KCND3: variants seen among roughly 807,000 people sequenced by gnomAD.
KCND3 encodes potassium voltage-gated channel subfamily D member 3, also known as A-type voltage-gated potassium channel KCND3.
Under a neutral mutation model 51.1 loss-of-function variants are expected in KCND3, and 9 were observed. The ratio of observed to expected loss-of-function variants is 0.18; its 90% CI spans 0.11 to 0.31. KCND3 has a LOEUF of 0.31. KCND3 is among the 10% of genes least tolerant of loss of function. KCND3 has a pLI of 1.00. For missense variants in KCND3, 526 were observed against 903.8 expected, an observed-to-expected ratio of 0.58 and a Z score of 5.36; for synonymous variants, 349 against 368.0, an observed-to-expected ratio of 0.95 and a Z score of 0.59.
At chr1:111,953,695 A>C (rs1673174096) in intron 2 of KCND3, among the ~76,000 whole-genome samples, 1 of 152,206 alleles carries the variant, frequency 6.6e-6, no homozygotes, top group African/African-American at 2.4e-5. Context: ...AGAACTCTGA[A>C]AGTGTCCCTC....
chr1:111,836,023 T>G (rs1169266742), intron 2 of KCND3, among the ~76,000 whole-genome samples: 4 of 152,352 alleles, frequency 2.6e-5, no homozygotes, highest in Non-Finnish European at 5.9e-5. Context: ...TTTGATTACC[T>G]TGCTGTTGCT....
intron 2 of KCND3, among the ~76,000 whole-genome samples, chr1:111,867,307 T>C (rs1299586431): frequency 4.6e-5 from 7 of 151,982 alleles, no homozygotes; most frequent in African/African-American, 1.7e-4. Context: ...GTGCTCAATG[T>C]GTGTTTGTGG....
At chr1:111,870,722 A>T (rs57747704) in intron 2 of KCND3, among the ~76,000 whole-genome samples, 1,021 of 13,184 alleles carry the variant, frequency 0.077, 7 homozygotes, top group African/African-American at 0.12. Context: ...TCAGTGAAAG[A>T]AAAAAAAGAC....
intron 2 of KCND3, among the ~76,000 whole-genome samples, chr1:111,926,773 G>A (rs190648287): frequency 3.3e-5 from 5 of 152,378 alleles, no homozygotes; most frequent in East Asian, 3.9e-4. Context: ...TTCATCGCTC[G>A]GGGCTGACGC....
intron 2 of KCND3, among the ~76,000 whole-genome samples, chr1:111,898,835 A>G (rs992392714): frequency 2.0e-5 from 3 of 152,318 alleles, no homozygotes; most frequent in Non-Finnish European, 4.4e-5. Flanking sequence ...TCCTATGACC[A>G]CAGCTGCCTC....
intron 2 of KCND3, among the ~76,000 whole-genome samples, chr1:111,961,293 C>T (rs987782380): frequency 2.0e-5 from 3 of 152,244 alleles, no homozygotes; most frequent in East Asian, 1.9e-4. Context: ...CCATCAGACC[C>T]GGCTGGCACA....
intron 2 of KCND3, among the ~76,000 whole-genome samples, chr1:111,802,702 G>A (rs1665372384): frequency 6.6e-6 from 1 of 152,212 alleles, no homozygotes; most frequent in Non-Finnish European, 1.5e-5. Flanking sequence ...GTCACATTGA[G>A]CCTGTAGCAG....
intron 2 of KCND3, among the ~76,000 whole-genome samples, chr1:111,900,969 GAAAC>G (rs1416954059): frequency 2.6e-5 from 4 of 152,150 alleles, no homozygotes; most frequent in East Asian, 1.9e-4. Flanking sequence ...AAAAACAAAA[GAAAC>G]AAACAAACAA....
intron 2 of KCND3, among the ~76,000 whole-genome samples, chr1:111,790,602 C>G (rs143233463): frequency 6.6e-6 from 1 of 152,182 alleles, no homozygotes; most frequent in Non-Finnish European, 1.5e-5. Flanking sequence ...AAAATCCAAC[C>G]ATTTAAATTA....
chr1:111,854,537 G>C (rs1410098559), intron 2 of KCND3, among the ~76,000 whole-genome samples: 1 of 152,184 alleles, frequency 6.6e-6, no homozygotes, highest in Non-Finnish European at 1.5e-5. Context: ...TTGTCCAGTG[G>C]AGGGGTCAGA....
At chr1:111,979,996 T>C (rs1203422929) in intron 2 of KCND3, among the ~76,000 whole-genome samples, 2 of 151,734 alleles carry the variant, frequency 1.3e-5, no homozygotes, top group Non-Finnish European at 2.9e-5. Context: ...TGGCCATGGG[T>C]GAGGTCCCCT....
In KCND3 at chr1:111,870,609, G is replaced by A. The variant is rs551631513; in HGVS notation, c.1107-83503C>T. 3.3e-5 allele frequency among the ~76,000 whole-genome samples: 5 copies of A among 152,252 alleles called. No homozygotes were observed. The East Asian group carries it at 5.8e-4, about 18-fold the overall frequency. ...TGCCTTGTTAAGAGAGCTTTGATCT[G>A]TGCAGAGGGAGCATCAAGTCCAAGA... On this transcript the variant is annotated intron_variant, in intron 2 of 7. Coordinates refer to ENST00000302127, the MANE Select transcript of KCND3 (RefSeq NM_001378969.1).
At chr1:111,843,653 G>A (rs938132636) in intron 2 of KCND3, among the ~76,000 whole-genome samples, 3 of 152,178 alleles carry the variant, frequency 2.0e-5, no homozygotes, top group African/African-American at 7.2e-5. Context: ...TTGGTGCCAG[G>A]CTGGAAAGAA....
chr1:111,872,751 G>C (rs1375144848), intron 2 of KCND3, among the ~76,000 whole-genome samples: 1 of 152,156 alleles, frequency 6.6e-6, no homozygotes, highest in Non-Finnish European at 1.5e-5. Flanking sequence ...GGCCGTGAGA[G>C]AGAAAATTAT....
chr1:111,817,030 G>A (rs149672922), intron 2 of KCND3, among the ~76,000 whole-genome samples: 51 of 152,270 alleles, frequency 3.3e-4, no homozygotes, highest in Admixed American at 6.5e-5. Flanking sequence ...GGTACAGGTG[G>A]TTTTTGGTTA....
intron 2 of KCND3, among the ~76,000 whole-genome samples, chr1:111,884,728 G>A (rs1447159376): frequency 6.6e-6 from 1 of 152,202 alleles, no homozygotes; most frequent in Non-Finnish European, 1.5e-5. Flanking sequence ...AAAAAGAATT[G>A]CATGTTAATG....
rs571500544 is a variant in KCND3, at chr1:111,957,536, C to T, written c.1106+24085G>A. Among the ~76,000 whole-genome samples, 3 of 152,154 alleles carry T rather than the reference C, an allele frequency of 2.0e-5. No individual in the cohort carries two copies. The South Asian group carries it at 6.2e-4, about 32-fold the overall frequency. ...TGACCTTTAAGGTTCTTTTCTGTTCCAAGTTCCACAATGATATAAGTTTAA... is the reference window on the plus strand; with the variant it reads ...TGACCTTTAAGGTTCTTTTCTGTTCTAAGTTCCACAATGATATAAGTTTAA... On this transcript the variant is annotated intron_variant, in intron 2 of 7. Transcript: ENST00000302127.
chr1:111,805,459 A>G (rs1256738574), intron 2 of KCND3, among the ~76,000 whole-genome samples: 2 of 152,194 alleles, frequency 1.3e-5, no homozygotes, highest in African/African-American at 2.4e-5. Context: ...CCCAGTTGGT[A>G]GGTTCCTTCC....
chr1:111,989,182 G>A (rs577281837), intron 1 of KCND3: 2 of 152,344 alleles, frequency 1.3e-5, no homozygotes, highest in East Asian at 1.9e-4. Context: ...AGCGGGGACG[G>A]AGCAAGCCTT....
Sources: allele counts gnomAD v4.1 joint callset (sites outside exome capture counted in the v4.1 genomes callset), GRCh38; gene constraint gnomAD v4.1.1; transcripts MANE v1.5; gene names NCBI Gene and HGNC (gene_info 2026-07-23, HGNC 2026-07-21).